OOEP: variants seen among roughly 807,000 people sequenced by gnomAD.
OOEP encodes oocyte expressed protein.
A neutral mutation model predicts 13.7 loss-of-function variants in OOEP; 16 were observed. That is an observed-to-expected ratio of 1.16 (90% CI 0.79 to 1.77). The LOEUF (loss-of-function observed/expected upper bound fraction) is 1.77, where lower values mean the gene tolerates loss of function less well. Among genes scored for constraint, OOEP ranks in the 40% most tolerant of loss-of-function variants. OOEP has a pLI of 0.00. For synonymous variants in OOEP, 89 were observed against 77.1 expected, an observed-to-expected ratio of 1.15 and a Z score of -0.81; for missense variants, 195 against 193.1, an observed-to-expected ratio of 1.01 and a Z score of -0.06.
At position 73,369,763 on chromosome 6, in the gene OOEP, G is replaced by C; in HGVS notation, c.30C>G (p.Ser10=). The part of the protein sequence containing the change: MVDDAGAAE[S]QRGKQTPAHS... Reference sequence around the variant, plus strand: ...GGGCCGGAGTCTGTTTGCCCCGCTGGGACTCAGCGGCACCAGCATCATCGA... The same window carrying C: ...GGGCCGGAGTCTGTTTGCCCCGCTGCGACTCAGCGGCACCAGCATCATCGA... Residue 10 remains serine (S), a synonymous_variant, in exon 1 of 3, where the codon TCC becomes TCG. Coordinates refer to ENST00000370359, the MANE Select transcript of OOEP (RefSeq NM_001080507.3). 1 of 1,613,814 alleles carries C rather than the reference G, an allele frequency of 6.2e-7. No individual in the cohort carries two copies. The highest frequency in any genetic ancestry group is 8.5e-7 in the Non-Finnish European group (1 of 1,179,840).
At chr6:73,373,736 T>C (rs894505710), upstream of OOEP, among the ~76,000 whole-genome samples, 1 of 151,908 alleles carries the variant, frequency 6.6e-6, no homozygotes, top group Non-Finnish European at 1.5e-5. Context: ...ATTACAGGCA[T>C]GCACCACCAC....
At chr6:73,376,857 G>A (rs1302618243) in intron 2 of OOEP, among the ~76,000 whole-genome samples, 1 of 152,142 alleles carries the variant, frequency 6.6e-6, no homozygotes, top group Non-Finnish European at 1.5e-5. Flanking sequence ...TCACCATTTT[G>A]GCCAGGCTGG....
At chr6:73,373,316 T>C, upstream of OOEP, 5 of 1,518,306 alleles carry the variant, frequency 3.3e-6, no homozygotes, top group Non-Finnish European at 3.7e-6. Flanking sequence ...GGAAGAGGGC[T>C]CCTTCTCTTC....
chr6:73,387,566 G>A (rs1170950357), intron 2 of OOEP: 1 of 151,942 alleles, frequency 6.6e-6, no homozygotes, highest in Non-Finnish European at 1.5e-5. Flanking sequence ...ATTAATGTGA[G>A]TATTCATGTT....
chr6:73,369,802 A>C lies in OOEP; in HGVS notation c.-10T>G. On this transcript the variant is annotated 5_prime_UTR_variant, in exon 1 of 3. Transcript: ENST00000370359. ...CAGCATCATCGACCATACTGGGACC[A>C]GCAGCCGCGGAGCGCGCTCGAGGCG... 6.2e-7 allele frequency: 1 copy of C among 1,609,328 alleles called. No homozygotes were observed. Among genetic ancestry groups the C allele is most frequent in the Non-Finnish European group, 8.5e-7 (1 of 1,176,856 alleles).
chr6:73,395,112 G>T, upstream of OOEP: 1 of 1,614,054 alleles, frequency 6.2e-7, no homozygotes, highest in Non-Finnish European at 8.5e-7. Flanking sequence ...AGGAACTGCC[G>T]CTGTGTTTTG....
At chr6:73,369,904 T>C, upstream of OOEP, 2 of 1,000,440 alleles carry the variant, frequency 2.0e-6, no homozygotes, top group South Asian at 3.1e-5. Context: ...CTCCGCCCCT[T>C]CCGGCGGCGC....
intron 2 of OOEP, among the ~76,000 whole-genome samples, chr6:73,389,786 G>C (rs898764071): frequency 3.3e-5 from 5 of 152,116 alleles, no homozygotes; most frequent in African/African-American, 1.2e-4. Flanking sequence ...CATGGCACAT[G>C]TATACATATG....
upstream of OOEP, among the ~76,000 whole-genome samples, chr6:73,372,192 T>C (rs897665431): frequency 6.6e-6 from 1 of 152,206 alleles, no homozygotes. Flanking sequence ...CCAGCATGTA[T>C]AGAATTTTAA....
chr6:73,369,745 A>G lies in OOEP; in HGVS notation c.48T>C (p.Thr16=), dbSNP rs766864374. The G allele has an allele frequency of 1.1e-5, 17 of 1,614,002 alleles. No homozygotes were observed. The highest frequency in any genetic ancestry group is 1.6e-4 in the Middle Eastern group (1 of 6,062). Residue 16 remains threonine (T), a synonymous_variant, in exon 1 of 3, where the codon ACT becomes ACC. Coordinates refer to ENST00000370359, the MANE Select transcript of OOEP (RefSeq NM_001080507.3). The part of the protein sequence containing the change: ...GAAESQRGKQ[T]PAHSLEQLRR... ...GCAGCTGCTCCAGGGAGTGGGCCGG[A>G]GTCTGTTTGCCCCGCTGGGACTCAG...
chr6:73,379,783 G>A (rs773801067), intron 2 of OOEP, among the ~76,000 whole-genome samples: 23 of 151,402 alleles, frequency 1.5e-4, no homozygotes, highest in Non-Finnish European at 2.8e-4. Context: ...GTTTTGCTAT[G>A]TTGCCCAACC....
chr6:73,372,446 T>A (rs554612259), upstream of OOEP, among the ~76,000 whole-genome samples: 40 of 152,254 alleles, frequency 2.6e-4, no homozygotes, highest in African/African-American at 9.1e-4. Flanking sequence ...GAAGAAATGA[T>A]CCTGTGGGAT....
Position 73,369,368 on chromosome 6 carries a change from T to C in OOEP, c.208A>G (p.Ile70Val), listed in dbSNP as rs1056723706. ...DELFGPDRAI[I>V]PEMEWTSQAL... ...TGGCTCGTCCACTCCATTTCTGGAA[T>C]TATGGCTCGGTCTGGGCCTAAACAA... is the stretch of plus-strand genomic sequence containing the variant. The change falls in exon 2 of 3, where the codon ATT (isoleucine) becomes GTT (valine). Residue 70 changes from isoleucine (I) to valine (V), a missense_variant. Ile to Val is a conservative substitution (Grantham distance 29, BLOSUM62 3). Coordinates refer to ENST00000370359, the MANE Select transcript of OOEP (RefSeq NM_001080507.3). 1 of 1,612,694 alleles carries C rather than the reference T, an allele frequency of 6.2e-7. No homozygotes were observed. Among genetic ancestry groups the C allele is most frequent in the African/African-American group, 1.3e-5 (1 of 74,856 alleles).
At chr6:73,371,757 A>T (rs1406130954), upstream of OOEP, among the ~76,000 whole-genome samples, 2 of 71,408 alleles carry the variant, frequency 2.8e-5, no homozygotes, top group African/African-American at 8.7e-5. Context: ...TCTCAAAAAT[A>T]AAAAAAAATA....
chr6:73,386,490 A>C (rs1327776423), intron 2 of OOEP, among the ~76,000 whole-genome samples: 1 of 152,222 alleles, frequency 6.6e-6, no homozygotes, highest in Admixed American at 6.5e-5. Flanking sequence ...CAGAATACAA[A>C]ATCAATATAC....
At position 73,368,783 on chromosome 6, in the gene OOEP, C is replaced by T. The variant is rs753748058; in HGVS notation, c.*1G>A. The T allele has an allele frequency of 1.2e-6, 2 of 1,603,900 alleles. No homozygotes were observed. Among genetic ancestry groups the T allele is most frequent in the Non-Finnish European group, 1.7e-6 (2 of 1,170,716 alleles). On this transcript the variant is annotated 3_prime_UTR_variant, in exon 3 of 3. Coordinates refer to ENST00000370359, the MANE Select transcript of OOEP (RefSeq NM_001080507.3). ...ATGTTCCCAACAGTAACTATGTTGTCTTAAGCAACAGGATCCTGGGGAGAG... is the reference window on the plus strand; with the variant it reads ...ATGTTCCCAACAGTAACTATGTTGTTTTAAGCAACAGGATCCTGGGGAGAG...
chr6:73,373,351 G>T, upstream of OOEP: 9 of 1,300,100 alleles, frequency 6.9e-6, no homozygotes, highest in South Asian at 9.5e-5. Flanking sequence ...TTGAGACAGG[G>T]TCTCACTCTG....
At chr6:73,377,240 C>T (rs1769149755) in intron 2 of OOEP, among the ~76,000 whole-genome samples, 1 of 152,136 alleles carries the variant, frequency 6.6e-6, no homozygotes, top group Non-Finnish European at 1.5e-5. Context: ...AAATATAATC[C>T]TGTGAAAACT....
At chr6:73,387,433 G>A (rs962715443) in intron 2 of OOEP, among the ~76,000 whole-genome samples, 2 of 152,028 alleles carry the variant, frequency 1.3e-5, no homozygotes, top group Non-Finnish European at 2.9e-5. Context: ...AGAATCGCTT[G>A]AACATGGGAG....
Sources: allele counts gnomAD v4.1 joint callset (sites outside exome capture counted in the v4.1 genomes callset), GRCh38; gene constraint gnomAD v4.1.1; transcripts MANE v1.5; gene names NCBI Gene and HGNC (gene_info 2026-07-23, HGNC 2026-07-21).